Variants in MTMR7 observed in about 807,000 individuals in gnomAD.
MTMR7 encodes phosphatidylinositol-3-phosphate phosphatase MTMR7.
A neutral mutation model predicts 81.2 loss-of-function variants in MTMR7; 76 were observed. The ratio of observed to expected loss-of-function variants is 0.94; its 90% CI spans 0.78 to 1.13. The LOEUF is 1.13. Among genes scored for constraint, MTMR7 ranks in the 50% most tolerant of loss-of-function variants. The pLI is 0.00. For missense variants in MTMR7, 1,044 were observed against 820.0 expected (o/e 1.27, Z -3.34); for synonymous variants, 372 against 289.8 (o/e 1.28, Z -2.88).
chr8:17,341,633 T>C, intron 5 of MTMR7, 136 bp from the exon 6 acceptor site: 1 of 1,092,998 alleles, frequency 9.1e-7, no homozygotes, highest in South Asian at 1.7e-5. Flanking sequence ...TGATACAGCT[T>C]TCTGGAAATC....
At chr8:17,380,312 G>A (rs1820720654) in intron 1 of MTMR7, among the ~76,000 whole-genome samples, 1 of 152,152 alleles carries the variant, frequency 6.6e-6, no homozygotes, top group Admixed American at 6.5e-5. Context: ...TCCATGCACT[G>A]CACAATCACT....
rs79025593 is a variant in MTMR7 at position 17,311,346 on chromosome 8, T to C, written c.1101+165A>G. The stretch of plus-strand genomic sequence containing the variant: ...CTTTATTCCAAGCCTTCCCCTTTAA[T>C]CTTGCTGATTAAATTAATCTTGATC... On this transcript the variant is annotated intron_variant, in intron 9 of 13. Transcript: ENST00000180173. Among the ~76,000 whole-genome samples, 101 of 152,324 alleles carry C rather than the reference T, an allele frequency of 6.6e-4. 1 individual carries two copies. In the East Asian group the frequency reaches 0.017, roughly 26 times the overall value.
At chr8:17,392,640 T>C (rs1821138151) in intron 1 of MTMR7, among the ~76,000 whole-genome samples, 1 of 152,246 alleles carries the variant, frequency 6.6e-6, no homozygotes, top group Non-Finnish European at 1.5e-5. Context: ...ACACCTTTCC[T>C]AAAATCCATG....
chr8:17,330,534 T>C lies in MTMR7; in HGVS notation c.865+616A>G, dbSNP rs117040051. 8.1e-3 allele frequency among the ~76,000 whole-genome samples: 1,236 copies of C among 152,372 alleles called. 9 individuals are homozygous for C. Among genetic ancestry groups the C allele is most frequent in the Non-Finnish European group, 0.014 (937 of 68,030 alleles). ...TGCAGAATTTCTGCTCATCAGCATA[T>C]GGCTGGTTGGCCACATGAATAACTC... On this transcript the variant is annotated intron_variant, in intron 7 of 13. Transcript: ENST00000180173.
intron 1 of MTMR7, among the ~76,000 whole-genome samples, chr8:17,389,122 G>A (rs1821031050): frequency 1.3e-5 from 2 of 152,032 alleles, no homozygotes; most frequent in South Asian, 4.2e-4. Flanking sequence ...CTCACCAAGT[G>A]CAACATACTC....
intron 7 of MTMR7, among the ~76,000 whole-genome samples, chr8:17,315,796 G>A (rs1367984342): frequency 6.6e-6 from 1 of 152,164 alleles, no homozygotes; most frequent in East Asian, 1.9e-4. Context: ...AGGATCATTT[G>A]AGTCAAGGAG....
At chr8:17,368,150 C>A (rs1042211611) in intron 3 of MTMR7, among the ~76,000 whole-genome samples, 2 of 152,066 alleles carry the variant, frequency 1.3e-5, no homozygotes, top group Non-Finnish European at 2.9e-5. Flanking sequence ...AGCACACAAC[C>A]TAGATCCCTC....
intron 4 of MTMR7, among the ~76,000 whole-genome samples, chr8:17,353,156 C>A (rs952517631): frequency 6.6e-6 from 1 of 152,192 alleles, no homozygotes; most frequent in Non-Finnish European, 1.5e-5. Context: ...CACAGATGAA[C>A]CTTGAGGACA....
intron 4 of MTMR7, among the ~76,000 whole-genome samples, chr8:17,355,129 C>T (rs933496847): frequency 6.6e-6 from 1 of 152,106 alleles, no homozygotes; most frequent in Non-Finnish European, 1.5e-5. Flanking sequence ...CCTGTATTTC[C>T]AAGGAGACGT....
intron 1 of MTMR7, among the ~76,000 whole-genome samples, chr8:17,410,406 G>A (rs533626228): frequency 1.4e-5 from 2 of 145,378 alleles, no homozygotes; most frequent in South Asian, 2.3e-4. Context: ...GAGCCCTGAA[G>A]TCTTTTCATT....
chr8:17,369,482 C>T (rs1406724874), intron 3 of MTMR7, among the ~76,000 whole-genome samples: 4 of 152,074 alleles, frequency 2.6e-5, no homozygotes, highest in African/African-American at 9.7e-5. Flanking sequence ...AATTGAACTT[C>T]TTGTCCTGAA....
At chr8:17,396,053 T>C (rs1266410867) in intron 1 of MTMR7, among the ~76,000 whole-genome samples, 1 of 151,614 alleles carries the variant, frequency 6.6e-6, no homozygotes, top group African/African-American at 2.4e-5. Flanking sequence ...TGATATAGAA[T>C]AAAATATTCA....
At chr8:17,317,068 C>T (rs753859169) in intron 7 of MTMR7, among the ~76,000 whole-genome samples, 2 of 152,112 alleles carry the variant, frequency 1.3e-5, no homozygotes, top group Non-Finnish European at 2.9e-5. Context: ...ATATTAATGG[C>T]AGTTTTTGTT....
intron 1 of MTMR7, among the ~76,000 whole-genome samples, chr8:17,379,276 G>C (rs2188017): frequency 0.48 from 72,902 of 151,960 alleles, 19,258 homozygotes; most frequent in Non-Finnish European, 0.59. Flanking sequence ...CCCAGGCACT[G>C]AGAAAGTAGA....
At chr8:17,335,694 A>G (rs1819215667) in intron 6 of MTMR7, among the ~76,000 whole-genome samples, 1 of 152,246 alleles carries the variant, frequency 6.6e-6, no homozygotes, top group African/African-American at 2.4e-5. Context: ...GTGCAGACAC[A>G]AACATGTGAG....
Position 17,407,667 on chromosome 8 carries a change from A to G in MTMR7, c.24+5602T>C, listed in dbSNP as rs557939584. 2.0e-5 allele frequency among the ~76,000 whole-genome samples: 3 copies of G among 152,326 alleles called. 1 individual carries two copies. The highest frequency in any genetic ancestry group is 4.8e-5 in the African/African-American group (2 of 41,584). On this transcript the variant is annotated intron_variant, in intron 1 of 13. Coordinates refer to ENST00000180173, the MANE Select transcript of MTMR7 (RefSeq NM_004686.5). ...CACTGAAATATGGTACGTTTAAAGA[A>G]GCAAACTACAAAATTGAACTGGGTG... is the stretch of plus-strand genomic sequence containing the variant.
Position 17,408,109 on chromosome 8 carries a change from G to GCTCTTTGGCGACGTGAT in MTMR7, c.24+5159_24+5160insATCACGTCGCCAAAGAG, listed in dbSNP as rs1195688168. 9.0e-4 allele frequency among the ~76,000 whole-genome samples: 58 copies of GCTCTTTGGCGACGTGAT among 64,486 alleles called. 6 individuals carry two copies. Among genetic ancestry groups the GCTCTTTGGCGACGTGAT allele is most frequent in the Admixed American group, 3.1e-3 (11 of 3,588 alleles). 42.3% of individuals were successfully genotyped at this position (64,486 alleles called of 152,430 possible). ...TCAATCAGCAAGAACATCATGGAGAGGCCGGGCGCGGTGGCTCACGCCTGT... is the reference window on the plus strand; with the variant it reads ...TCAATCAGCAAGAACATCATGGAGAGCTCTTTGGCGACGTGATGCCGGGCGCGGTGGCTCACGCCTGT... On this transcript the variant is annotated intron_variant, in intron 1 of 13. Coordinates refer to ENST00000180173, the MANE Select transcript of MTMR7 (RefSeq NM_004686.5).
At chr8:17,372,507 G>A (rs1459597366) in intron 2 of MTMR7, among the ~76,000 whole-genome samples, 1 of 152,124 alleles carries the variant, frequency 6.6e-6, no homozygotes, top group African/African-American at 2.4e-5. Flanking sequence ...AGAATCACTT[G>A]AACCCAGGAG....
chr8:17,308,115 A>T (rs1817579651), intron 10 of MTMR7, among the ~76,000 whole-genome samples: 1 of 152,180 alleles, frequency 6.6e-6, no homozygotes, highest in Non-Finnish European at 1.5e-5. Flanking sequence ...ATATTTGCAT[A>T]AAGGGAATTT....
Sources: gnomAD v4.1 joint callset for allele counts (sites outside exome capture counted in the v4.1 genomes callset) on GRCh38, gnomAD v4.1.1 for gene constraint, MANE v1.5 for transcripts, NCBI Gene and HGNC (gene_info 2026-07-23, HGNC 2026-07-21) for gene names.